CILK1: variants seen among roughly 807,000 people sequenced by gnomAD.
CILK1 encodes the protein ciliogenesis associated kinase 1.
In CILK1, 47 loss-of-function variants were observed where a neutral mutation model predicts 79.2. The observed-to-expected ratio is 0.59, with a 90% CI of 0.47 to 0.76. The LOEUF (loss-of-function observed/expected upper bound fraction) is 0.76, where lower values mean the gene tolerates loss of function less well. Among genes scored for constraint, CILK1 ranks in the 30% least tolerant of loss-of-function variants. CILK1 has a pLI of 0.00. For synonymous variants in CILK1, 266 were observed against 275.9 expected, an observed-to-expected ratio of 0.96 and a Z score of 0.36; for missense variants, 660 against 769.5, an observed-to-expected ratio of 0.86 and a Z score of 1.68.
chr6:53,028,463 G>C (rs146502519), intron 5 of CILK1, among the ~76,000 whole-genome samples: 71 of 152,296 alleles, frequency 4.7e-4, no homozygotes, highest in African/African-American at 1.5e-3. Context: ...ATTGCAATGG[G>C]ACCTTTCACA....
In CILK1 at chr6:53,004,887, T is replaced by C. The variant is rs1764125974; in HGVS notation, c.*262A>G. The C allele has an allele frequency of 5.2e-6, 2 of 387,296 alleles. No homozygotes were observed. The highest frequency in any genetic ancestry group is 3.7e-5 in the South Asian group (1 of 27,192). The allele number at this position is 387,296 out of a possible 1,614,324, so 24.0% of individuals were successfully genotyped here. The stretch of plus-strand genomic sequence containing the variant: ...AAAATGCTAAAACATAATCCATATA[T>C]ACAAAATGCTGTTGTTTAAGAAAAT... On this transcript the variant is annotated 3_prime_UTR_variant, in exon 14 of 14. Coordinates refer to ENST00000676107, the MANE Select transcript of CILK1 (RefSeq NM_014920.5).
chr6:53,036,635 C>T (rs975963736), intron 3 of CILK1, among the ~76,000 whole-genome samples: 6 of 152,032 alleles, frequency 3.9e-5, no homozygotes, highest in Admixed American at 2.0e-4. Context: ...AGGCTGGTCT[C>T]GAACTCCTGA....
Position 53,005,081 on chromosome 6 carries a change from AAC to A in CILK1, c.*66_*67del. 1 of 1,574,634 alleles carries A rather than the reference AAC, an allele frequency of 6.4e-7. No individual in the cohort carries two copies. The highest frequency in any genetic ancestry group is 1.7e-5 in the Admixed American group (1 of 59,970). Reference sequence around the variant, plus strand: ...TGCCCTCTGCACATCTTGCAGGTAGAACACCAGTCAGCTGAGGGAAAGTATCC... The same window carrying A: ...TGCCCTCTGCACATCTTGCAGGTAGAACCAGTCAGCTGAGGGAAAGTATCC... On this transcript the variant is annotated 3_prime_UTR_variant, in exon 14 of 14. Coordinates refer to ENST00000676107, the MANE Select transcript of CILK1 (RefSeq NM_014920.5).
intron 8 of CILK1, among the ~76,000 whole-genome samples, chr6:53,015,755 C>A (rs1360927463): frequency 6.6e-6 from 1 of 152,174 alleles, no homozygotes. Flanking sequence ...AAACAAACTA[C>A]TATATAATTG....
chr6:53,058,736 CAG>C (rs753381754), intron 1 of CILK1, among the ~76,000 whole-genome samples: 1 of 152,068 alleles, frequency 6.6e-6, no homozygotes, highest in Non-Finnish European at 1.5e-5. Context: ...TCAACATACA[CAG>C]AGAGGTCATT....
At chr6:53,031,740 T>C (rs549253730) in intron 4 of CILK1, among the ~76,000 whole-genome samples, 1 of 152,342 alleles carries the variant, frequency 6.6e-6, no homozygotes, top group Admixed American at 6.5e-5. Context: ...CAGGAAGCTG[T>C]GTCCACCCTT....
At chr6:53,023,842 G>A (rs542107811) in intron 5 of CILK1, among the ~76,000 whole-genome samples, 5 of 152,260 alleles carry the variant, frequency 3.3e-5, no homozygotes, top group Admixed American at 1.3e-4. Context: ...GCATAATGGC[G>A]GATCTGTAGG....
Position 53,004,961 on chromosome 6 carries a change from T to C in CILK1, c.*188A>G. 1.7e-6 allele frequency: 1 copy of C among 583,218 alleles called. No homozygotes were observed. Among genetic ancestry groups the C allele is most frequent in the Non-Finnish European group, 2.9e-6 (1 of 339,992 alleles). 36.1% of individuals were successfully genotyped at this position (583,218 alleles called of 1,614,324 possible). ...AATAATTTTATACAAAAAAGCCTAC[T>C]GCATTCAAATCAATATTTTAAAAAA... is the stretch of plus-strand genomic sequence containing the variant. On this transcript the variant is annotated 3_prime_UTR_variant, in exon 14 of 14. Transcript: ENST00000676107.
At chr6:53,032,689 A>G in intron 3 of CILK1, 35 bp from the exon 4 acceptor site, 2 of 1,545,014 alleles carry the variant, frequency 1.3e-6, no homozygotes, top group Non-Finnish European at 1.8e-6. Flanking sequence ...AACAAAACAA[A>G]TATTAGAGAA....
At chr6:53,008,614 C>G (rs1247448510) in intron 12 of CILK1, among the ~76,000 whole-genome samples, 3 of 151,738 alleles carry the variant, frequency 2.0e-5, no homozygotes, top group Non-Finnish European at 4.4e-5. Context: ...TAGGTAGAGA[C>G]AGGGTTTTAC....
At chr6:53,051,918 A>G (rs1767506820) in intron 1 of CILK1, 1 of 152,190 alleles carries the variant, frequency 6.6e-6, no homozygotes, top group Middle Eastern at 3.2e-3. Flanking sequence ...AAAATATAGA[A>G]TGTACTTATC....
At position 53,047,464 on chromosome 6, in the gene CILK1, C is replaced by CTT. The variant is rs60611050; in HGVS notation, c.-172-6058_-172-6057dup. ...GGAGTACTTGGTGTACACTACCAGG[C>CTT]TTTTTTTTTTTTTTTTTTTTTAAGA... On this transcript the variant is annotated intron_variant, in intron 1 of 13. Transcript: ENST00000676107. 8.7e-3 allele frequency among the ~76,000 whole-genome samples: 617 copies of CTT among 70,648 alleles called. 11 individuals are homozygous for CTT. The highest frequency in any genetic ancestry group is 0.04 in the East Asian group (93 of 2,354). 46.3% of individuals were successfully genotyped at this position (70,648 alleles called of 152,430 possible). A position where few individuals can be genotyped will look rare whatever the true frequency, so the allele number is the denominator to read the frequency against.
intron 1 of CILK1, among the ~76,000 whole-genome samples, chr6:53,043,980 G>A (rs1480567907): frequency 6.6e-6 from 1 of 152,020 alleles, no homozygotes; most frequent in Non-Finnish European, 1.5e-5. Context: ...CCAAGAAGCA[G>A]AAACTAAGAG....
chr6:53,020,119 A>G (rs200160662), intron 5 of CILK1, among the ~76,000 whole-genome samples: 1 of 152,120 alleles, frequency 6.6e-6, no homozygotes, highest in South Asian at 2.1e-4. Context: ...TTAAGTACTT[A>G]TTACTTTGCC....
chr6:53,048,158 CA>C (rs1767234001), intron 1 of CILK1, among the ~76,000 whole-genome samples: 1 of 152,112 alleles, frequency 6.6e-6, no homozygotes, highest in South Asian at 2.1e-4. Flanking sequence ...AGTCCCATCA[CA>C]TCCTTGGTTT....
chr6:53,019,795 C>G (rs888990696), intron 5 of CILK1, among the ~76,000 whole-genome samples: 2 of 151,538 alleles, frequency 1.3e-5, no homozygotes, highest in African/African-American at 4.8e-5. Flanking sequence ...GTAGCTGGGA[C>G]TACTGGCACA....
At chr6:53,011,983 T>A (rs1764599907) in intron 10 of CILK1, 54 bp downstream of exon 10, 1 of 1,613,710 alleles carries the variant, frequency 6.2e-7, no homozygotes, top group Non-Finnish European at 8.5e-7. Flanking sequence ...TATGTACCCA[T>A]AATCTCATGA....
rs894034209 is a variant in CILK1, at chr6:53,024,328, A to C, written c.359-4969T>G. On this transcript the variant is annotated intron_variant, in intron 5 of 13. Transcript: ENST00000676107. ...AAAGAGCATTCAGTATCAGTCAAGA[A>C]TGGCCTTTAAAATGAATGAAAAGAT... 2.6e-5 allele frequency among the ~76,000 whole-genome samples: 4 copies of C among 152,236 alleles called. No individual in the cohort carries two copies. The East Asian group carries it at 7.7e-4, about 29-fold the overall frequency.
chr6:53,041,032 T>A, intron 2 of CILK1, 104 bp downstream of exon 2: 1 of 801,538 alleles, frequency 1.2e-6, no homozygotes, highest in Non-Finnish European at 2.2e-6. Context: ...TTATCTAAGG[T>A]TCTTCTCTAG....
Sources: allele counts gnomAD v4.1 joint callset (sites outside exome capture counted in the v4.1 genomes callset), GRCh38; gene constraint gnomAD v4.1.1; transcripts MANE v1.5; gene names NCBI Gene and HGNC (gene_info 2026-07-23, HGNC 2026-07-21).